SLC16A7: variants seen among roughly 807,000 people sequenced by gnomAD.
The protein encoded by SLC16A7 is monocarboxylate transporter 2.
A neutral mutation model predicts 34.9 loss-of-function variants in SLC16A7; 33 were observed. The observed-to-expected ratio is 0.94, with a 90% CI of 0.72 to 1.26. SLC16A7 has a LOEUF of 1.26. Ranked by LOEUF, SLC16A7 falls within the 50% of genes most tolerant of loss-of-function variation. SLC16A7 has a pLI of 0.00. For missense variants in SLC16A7, 573 were observed against 578.1 expected (o/e 0.99, Z 0.09); for synonymous variants, 201 against 206.6 (o/e 0.97, Z 0.23).
At chr12:59,678,174 C>T (rs113599612) in intron 2 of SLC16A7, among the ~76,000 whole-genome samples, 12,356 of 152,258 alleles carry the variant, frequency 0.081, 577 homozygotes, top group Middle Eastern at 0.17. Flanking sequence ...CACAGCTCTT[C>T]TCTGCCTCTC....
intron 1 of SLC16A7, among the ~76,000 whole-genome samples, chr12:59,603,493 C>T (rs531890643): frequency 3.3e-5 from 5 of 152,258 alleles, no homozygotes; most frequent in South Asian, 2.1e-4. Flanking sequence ...TAACGTCCTA[C>T]GATTTCTAGC....
chr12:59,637,773 C>T (rs998691531), intron 1 of SLC16A7, among the ~76,000 whole-genome samples: 6 of 152,000 alleles, frequency 3.9e-5, no homozygotes, highest in Admixed American at 3.9e-4. Context: ...AGAGGTGGGG[C>T]CTAATGAGGT....
At chr12:59,748,731 A>G (rs1879172263) in intron 3 of SLC16A7, among the ~76,000 whole-genome samples, 1 of 152,160 alleles carries the variant, frequency 6.6e-6, no homozygotes, top group Non-Finnish European at 1.5e-5. Context: ...AGGTGTGAAA[A>G]CCTTACACTT....
intron 3 of SLC16A7, among the ~76,000 whole-genome samples, chr12:59,765,130 C>A (rs530615836): frequency 7.7e-4 from 118 of 152,286 alleles, no homozygotes; most frequent in African/African-American, 2.8e-3. Context: ...TAAATGTCTT[C>A]TTTTGAGAAG....
intron 2 of SLC16A7, among the ~76,000 whole-genome samples, chr12:59,700,516 T>G (rs1343521317): frequency 6.7e-6 from 1 of 149,432 alleles, no homozygotes; most frequent in Non-Finnish European, 1.5e-5. Context: ...AATTATTAAT[T>G]ATTAAGAATT....
intron 3 of SLC16A7, among the ~76,000 whole-genome samples, chr12:59,731,113 C>A (rs1371807555): frequency 1.3e-5 from 2 of 152,020 alleles, no homozygotes; most frequent in African/African-American, 4.8e-5. Context: ...ATATTGTATA[C>A]TGCTAATAAA....
At chr12:59,645,991 A>C (rs1868248007) in intron 1 of SLC16A7, among the ~76,000 whole-genome samples, 1 of 152,052 alleles carries the variant, frequency 6.6e-6, no homozygotes, top group Admixed American at 6.6e-5. Flanking sequence ...GAGGGAGAGG[A>C]TTTAGGGTAT....
At chr12:59,679,454 T>G (rs1870575966) in intron 2 of SLC16A7, among the ~76,000 whole-genome samples, 1 of 152,188 alleles carries the variant, frequency 6.6e-6, no homozygotes. Flanking sequence ...CCTGAACTTA[T>G]CCCAAGAGTT....
chr12:59,629,117 G>A (rs1307133543), intron 1 of SLC16A7, among the ~76,000 whole-genome samples: 1 of 151,854 alleles, frequency 6.6e-6, no homozygotes, highest in Non-Finnish European at 1.5e-5. Context: ...AAGCCAGCAA[G>A]TTCTCTGATC....
intron 1 of SLC16A7, among the ~76,000 whole-genome samples, chr12:59,599,006 A>ATT (rs1361289563): frequency 1.3e-5 from 2 of 152,226 alleles, no homozygotes; most frequent in Non-Finnish European, 2.9e-5. Flanking sequence ...TTCAGCTGGT[A>ATT]CAGTTAGTAA....
At position 59,646,287 on chromosome 12, in the gene SLC16A7, C is replaced by A. The variant is rs376572588; in HGVS notation, c.-129-8865C>A. 7.9e-5 allele frequency among the ~76,000 whole-genome samples: 12 copies of A among 152,230 alleles called. No individual in the cohort carries two copies. The East Asian group carries it at 1.4e-3, about 17-fold the overall frequency. On this transcript the variant is annotated intron_variant, in intron 1 of 5. Transcript: ENST00000547379. ...ATCATTTCCTGGGCTGGGCCCAGGG[C>A]CCCCCTGCTGTGTGCAGCCTCAAGA...
intron 2 of SLC16A7, among the ~76,000 whole-genome samples, chr12:59,690,297 C>G (rs933978848): frequency 2.0e-5 from 3 of 151,960 alleles, no homozygotes; most frequent in Non-Finnish European, 2.9e-5. Context: ...CTGTTCAGCA[C>G]TGTTCAGGCT....
At chr12:59,697,477 T>C (rs1872437799) in intron 2 of SLC16A7, among the ~76,000 whole-genome samples, 1 of 151,966 alleles carries the variant, frequency 6.6e-6, no homozygotes, top group Admixed American at 6.6e-5. Flanking sequence ...GCTATTACTA[T>C]CCATTTTTAC....
rs550300341 is a variant in SLC16A7, at chr12:59,788,076, C to T, written c.*8397C>T. ...TAATTATTTCCTAGAATGAATAATT[C>T]TCCTTTTTTGATAGATTTTTGAAAT... On this transcript the variant is annotated 3_prime_UTR_variant, in exon 6 of 6. Transcript: ENST00000547379. The T allele has an allele frequency of 5.9e-5, 9 of 151,876 alleles. No individual in the cohort carries two copies. The highest frequency in any genetic ancestry group is 2.2e-4 in the African/African-American group (9 of 41,218). The allele number at this position is 151,876 out of a possible 1,614,324, so 9.4% of individuals were successfully genotyped here.
intron 3 of SLC16A7, among the ~76,000 whole-genome samples, chr12:59,752,861 T>A (rs920452546): frequency 2.0e-5 from 3 of 152,138 alleles, no homozygotes; most frequent in Non-Finnish European, 4.4e-5. Flanking sequence ...GAGAGAAAGA[T>A]CGGGTTACCC....
At chr12:59,736,701 A>G (rs1483705989) in intron 3 of SLC16A7, among the ~76,000 whole-genome samples, 2 of 152,236 alleles carry the variant, frequency 1.3e-5, no homozygotes, top group Non-Finnish European at 2.9e-5. Flanking sequence ...AATTCTGCCT[A>G]GAAATTAAGA....
intron 1 of SLC16A7, among the ~76,000 whole-genome samples, chr12:59,635,368 A>C (rs1225972341): frequency 6.6e-6 from 1 of 152,070 alleles, no homozygotes; most frequent in Non-Finnish European, 1.5e-5. Flanking sequence ...TTCCATTGGA[A>C]ATCTGGCTGA....
intron 3 of SLC16A7, chr12:59,734,216 C>T: frequency 5.2e-6 from 1 of 191,860 alleles, no homozygotes; most frequent in Non-Finnish European, 1.1e-5. Context: ...TCACACTGAG[C>T]TGCCCTCAGC....
At chr12:59,715,436 G>T (rs1487118376) in intron 3 of SLC16A7, among the ~76,000 whole-genome samples, 1 of 152,082 alleles carries the variant, frequency 6.6e-6, no homozygotes, top group Non-Finnish European at 1.5e-5. Flanking sequence ...TTGTGCCTAG[G>T]AACACCAAAC....
Sources: allele counts gnomAD v4.1 joint callset (sites outside exome capture counted in the v4.1 genomes callset), GRCh38; gene constraint gnomAD v4.1.1; transcripts MANE v1.5; gene names NCBI Gene and HGNC (gene_info 2026-07-23, HGNC 2026-07-21).